Variants in LYPD6B observed in about 807,000 individuals in gnomAD.
LYPD6B encodes ly6/PLAUR domain-containing protein 6B.
Under a neutral mutation model 22.8 loss-of-function variants are expected in LYPD6B, and 17 were observed. The ratio of observed to expected loss-of-function variants is 0.75; its 90% CI spans 0.51 to 1.12. The LOEUF (loss-of-function observed/expected upper bound fraction) is 1.12, where lower values mean the gene tolerates loss of function less well. LYPD6B is among the 50% of genes most tolerant of loss of function. The probability of loss-of-function intolerance (pLI) is 0.00; values close to 1 mark genes in which losing one functional copy is unlikely to be tolerated. For missense variants in LYPD6B, 221 were observed against 258.3 expected (o/e 0.86, Z 0.99); for synonymous variants, 106 against 91.6 (o/e 1.16, Z -0.90).
At chr2:149,046,246 C>G (rs1558965641) in intron 1 of LYPD6B, among the ~76,000 whole-genome samples, 1 of 152,000 alleles carries the variant, frequency 6.6e-6, no homozygotes, top group Non-Finnish European at 1.5e-5. Flanking sequence ...CATTGTATAT[C>G]TTTTTGTGTT....
intron 1 of LYPD6B, among the ~76,000 whole-genome samples, chr2:149,078,205 C>T (rs7605478): frequency 0.013 from 1,949 of 152,292 alleles, 38 homozygotes; most frequent in African/African-American, 0.042. Context: ...ACGCCGCCAT[C>T]ACCTTGCACC....
chr2:149,189,342 T>TTATATATATATAATTATATATATA lies in LYPD6B; in HGVS notation c.78-15899_78-15898insATTATATATATATATATATATATA, dbSNP rs1553500264. On this transcript the variant is annotated intron_variant, in intron 3 of 6. Transcript: ENST00000409642. ...AACAATTTTTTTGATTTGTCCAAAA[T>TTATATATATATAATTATATATATA]TATATATATATATATATATATATAT... is the stretch of plus-strand genomic sequence containing the variant. Among the ~76,000 whole-genome samples, 126 of 66,050 alleles carry TTATATATATATAATTATATATATA rather than the reference T, an allele frequency of 1.9e-3. 1 individual carries two copies. The highest frequency in any genetic ancestry group is 2.8e-3 in the Non-Finnish European group (96 of 34,294). 43.3% of individuals were successfully genotyped at this position (66,050 alleles called of 152,430 possible).
At chr2:149,118,538 CATCT>C (rs1687121683) in intron 1 of LYPD6B, among the ~76,000 whole-genome samples, 2 of 152,186 alleles carry the variant, frequency 1.3e-5, no homozygotes, top group African/African-American at 4.8e-5. Context: ...CTGCATCCTC[CATCT>C]GTCTCTGAAT....
At chr2:149,043,670 A>T (rs1345659431) in intron 1 of LYPD6B, among the ~76,000 whole-genome samples, 1 of 152,180 alleles carries the variant, frequency 6.6e-6, no homozygotes, top group Admixed American at 6.5e-5. Flanking sequence ...TTTTTAATAC[A>T]TCCAACTTTT....
chr2:149,146,177 T>C (rs1434665807), intron 2 of LYPD6B, among the ~76,000 whole-genome samples: 1 of 152,210 alleles, frequency 6.6e-6, no homozygotes, highest in East Asian at 1.9e-4. Context: ...CATGTAATTA[T>C]ACAAGCACGT....
At chr2:149,120,299 A>ATATATATATATATGTGTATATATATGTG (rs1575002342) in intron 1 of LYPD6B, among the ~76,000 whole-genome samples, 4 of 78,798 alleles carry the variant, frequency 5.1e-5, no homozygotes, top group East Asian at 4.7e-3. Flanking sequence ...GTATATACAC[A>ATATATATATATATGTGTATATATATGTG]TATATATATA....
At chr2:149,196,338 T>C (rs1692809223) in intron 3 of LYPD6B, among the ~76,000 whole-genome samples, 4 of 152,362 alleles carry the variant, frequency 2.6e-5, no homozygotes, top group African/African-American at 7.2e-5. Flanking sequence ...CAGCATGATA[T>C]TCTTTGCCAT....
chr2:149,193,558 T>A (rs1692627398), intron 3 of LYPD6B, among the ~76,000 whole-genome samples: 1 of 151,882 alleles, frequency 6.6e-6, no homozygotes, highest in South Asian at 2.1e-4. Context: ...GAAAGGTGGG[T>A]ACGAGTAAAT....
chr2:149,148,291 T>C lies in LYPD6B; in HGVS notation c.6-12473T>C, dbSNP rs191469891. 3.3e-5 allele frequency among the ~76,000 whole-genome samples: 5 copies of C among 152,296 alleles called. No individual in the cohort carries two copies. The East Asian group carries it at 9.7e-4, about 29-fold the overall frequency. On this transcript the variant is annotated intron_variant, in intron 2 of 6. Coordinates refer to ENST00000409642, the MANE Select transcript of LYPD6B (RefSeq NM_177964.5). ...GGAAAAGAAATGCAGGACTTCACAG[T>C]TGGATTTGGACAAATTGGAGGCTTT...
At chr2:149,198,016 T>C (rs922903136) in intron 3 of LYPD6B, among the ~76,000 whole-genome samples, 5 of 151,648 alleles carry the variant, frequency 3.3e-5, no homozygotes, top group African/African-American at 1.2e-4. Flanking sequence ...TTCTAATTCC[T>C]AAACATCTAA....
chr2:149,146,734 A>G (rs389232), intron 2 of LYPD6B, among the ~76,000 whole-genome samples: 58,321 of 151,580 alleles, frequency 0.38, 11,895 homozygotes, highest in African/African-American at 0.52. Flanking sequence ...AACCCCAAGG[A>G]TGTGTGAAGG....
At chr2:149,212,383 A>AAAAG (rs1341862828) in intron 5 of LYPD6B, among the ~76,000 whole-genome samples, 1 of 117,842 alleles carries the variant, frequency 8.5e-6, no homozygotes, top group East Asian at 2.0e-4. Flanking sequence ...TCCGTCTCAA[A>AAAAG]AAAAAAAAAA....
intron 2 of LYPD6B, among the ~76,000 whole-genome samples, chr2:149,146,952 T>C (rs392388): frequency 0.33 from 49,875 of 152,170 alleles, 8,328 homozygotes; most frequent in Middle Eastern, 0.39. Flanking sequence ...ATGGAAAGTC[T>C]AGAATTGAAT....
chr2:149,105,480 C>T (rs958151770), intron 1 of LYPD6B, among the ~76,000 whole-genome samples: 2 of 152,104 alleles, frequency 1.3e-5, no homozygotes, highest in African/African-American at 2.4e-5. Context: ...GTTTTCTTTA[C>T]GTTGTTTCAG....
At chr2:149,169,749 G>A (rs1690693481) in intron 3 of LYPD6B, among the ~76,000 whole-genome samples, 1 of 152,168 alleles carries the variant, frequency 6.6e-6, no homozygotes, top group South Asian at 2.1e-4. Context: ...TAAATACAGG[G>A]TTTTAAGATG....
intron 1 of LYPD6B, among the ~76,000 whole-genome samples, chr2:149,113,984 GGTAT>G (rs1254132006): frequency 6.6e-6 from 1 of 151,948 alleles, no homozygotes; most frequent in Non-Finnish European, 1.5e-5. Context: ...GTTAGATTTG[GGTAT>G]GTGCCATTTA....
At chr2:149,082,680 C>T (rs2105402191) in intron 1 of LYPD6B, among the ~76,000 whole-genome samples, 1 of 152,196 alleles carries the variant, frequency 6.6e-6, no homozygotes, top group African/African-American at 2.4e-5. Context: ...AAATGTGAGG[C>T]ACTTAGAATG....
chr2:149,084,398 T>C (rs1685290854), intron 1 of LYPD6B, among the ~76,000 whole-genome samples: 1 of 40,250 alleles, frequency 2.5e-5, no homozygotes, highest in Non-Finnish European at 5.0e-5. Flanking sequence ...ATTTAATATT[T>C]ATGACAGTTA....
chr2:149,053,554 G>C (rs1381796421), intron 1 of LYPD6B, among the ~76,000 whole-genome samples: 2 of 152,148 alleles, frequency 1.3e-5, no homozygotes, highest in Non-Finnish European at 2.9e-5. Flanking sequence ...GTATATGAAA[G>C]TATCTCACTG....
Sources: allele counts gnomAD v4.1 joint callset (sites outside exome capture counted in the v4.1 genomes callset), GRCh38; gene constraint gnomAD v4.1.1; transcripts MANE v1.5; gene names NCBI Gene and HGNC (gene_info 2026-07-23, HGNC 2026-07-21).